The following MAGI1 variants were observed in gnomAD, a reference collection of about 807,000 sequenced individuals.
MAGI1 encodes membrane associated guanylate kinase, WW and PDZ domain containing 1.
Under a neutral mutation model 139.9 loss-of-function variants are expected in MAGI1, and 58 were observed. The observed-to-expected ratio is 0.41, with a 90% CI of 0.34 to 0.52. The LOEUF (loss-of-function observed/expected upper bound fraction) is 0.52. Ranked by LOEUF, MAGI1 falls within the 20% of genes least tolerant of loss-of-function variation. The pLI is 0.12. For synonymous variants in MAGI1, 812 were observed against 737.9 expected (o/e 1.10, Z -1.63); for missense variants, 1,874 against 1,901.6 (o/e 0.99, Z 0.27).
intron 6 of MAGI1, among the ~76,000 whole-genome samples, chr3:65,452,268 T>C (rs1179952093): frequency 6.6e-6 from 1 of 152,186 alleles, no homozygotes; most frequent in African/African-American, 2.4e-5. Flanking sequence ...CCATGTATAA[T>C]AGAAGGATCA....
At chr3:65,714,051 C>T (rs1389518087) in intron 1 of MAGI1, among the ~76,000 whole-genome samples, 4 of 152,222 alleles carry the variant, frequency 2.6e-5, no homozygotes, top group Non-Finnish European at 5.9e-5. Flanking sequence ...GTTGCTTGAA[C>T]TCTTTAAGTC....
At chr3:65,842,652 C>T (rs555693246) in intron 1 of MAGI1, among the ~76,000 whole-genome samples, 1 of 152,158 alleles carries the variant, frequency 6.6e-6, no homozygotes, top group African/African-American at 2.4e-5. Flanking sequence ...TGAGCCACTG[C>T]GCCCAGCCAT....
intron 2 of MAGI1, among the ~76,000 whole-genome samples, chr3:65,545,831 G>A (rs896679628): frequency 1.8e-4 from 28 of 152,116 alleles, no homozygotes; most frequent in African/African-American, 5.5e-4. Context: ...TAGCCATGGC[G>A]AGAAAATTAA....
chr3:65,890,824 T>C (rs904177808), intron 1 of MAGI1, among the ~76,000 whole-genome samples: 9 of 152,202 alleles, frequency 5.9e-5, no homozygotes, highest in South Asian at 2.1e-4. Context: ...ACTCCTCCTA[T>C]TGTACTTGTC....
chr3:65,880,248 G>GA lies in MAGI1; in HGVS notation c.313+157747dup, dbSNP rs36113885. 5.5e-4 allele frequency among the ~76,000 whole-genome samples: 81 copies of GA among 146,192 alleles called. No homozygotes were observed. In the East Asian group the frequency reaches 5.9e-3, roughly 11 times the overall value. Reference sequence around the variant, plus strand: ...CAGAGCAAGACCCTGTCTCAAGAAAGAAAAAAAAAAATAGCCTTGGAAGAA... The same window carrying GA: ...CAGAGCAAGACCCTGTCTCAAGAAAGAAAAAAAAAAAATAGCCTTGGAAGAA... On this transcript the variant is annotated intron_variant, in intron 1 of 22. Transcript: ENST00000402939.
chr3:65,801,917 G>A (rs1391803809), intron 1 of MAGI1, among the ~76,000 whole-genome samples: 1 of 152,078 alleles, frequency 6.6e-6, no homozygotes, highest in Non-Finnish European at 1.5e-5. Flanking sequence ...CCTGAGCTGG[G>A]CCTCCTGTGA....
Position 65,521,988 on chromosome 3 carries a change from C to CT in MAGI1, c.431-28358dup, listed in dbSNP as rs150583768. Reference sequence around the variant, plus strand: ...AAGGTAATGATGAGTTCCCAAATCTCTATTATAACAGAAAAGTAGCAATAC... The same window carrying CT: ...AAGGTAATGATGAGTTCCCAAATCTCTTATTATAACAGAAAAGTAGCAATAC... On this transcript the variant is annotated intron_variant, in intron 2 of 22. Transcript: ENST00000402939. Among the ~76,000 whole-genome samples the CT allele has an allele frequency of 6.0e-4, 92 of 152,158 alleles. No homozygotes were observed. The Middle Eastern group carries it at 0.01, about 17-fold the overall frequency.
chr3:65,468,345 G>A (rs1423545568), intron 5 of MAGI1, among the ~76,000 whole-genome samples: 2 of 147,808 alleles, frequency 1.4e-5, no homozygotes, highest in African/African-American at 5.0e-5. Flanking sequence ...CTCTTCCCGG[G>A]TAGATTCTCA....
intron 1 of MAGI1, among the ~76,000 whole-genome samples, chr3:65,785,131 C>T (rs1329129923): frequency 6.6e-6 from 1 of 152,074 alleles, no homozygotes; most frequent in Non-Finnish European, 1.5e-5. Flanking sequence ...ATCTCAATAC[C>T]GCTATTTAAA....
chr3:65,477,214 A>G (rs1950941711), intron 4 of MAGI1, among the ~76,000 whole-genome samples: 1 of 152,204 alleles, frequency 6.6e-6, no homozygotes, highest in Non-Finnish European at 1.5e-5. Context: ...TTTTATTTCC[A>G]TTTGATAAAT....
chr3:65,906,282 T>C (rs1006889354), intron 1 of MAGI1, among the ~76,000 whole-genome samples: 10 of 152,018 alleles, frequency 6.6e-5, no homozygotes, highest in African/African-American at 2.2e-4. Flanking sequence ...AAAAGCTCCA[T>C]GAAGAAGGAA....
intron 22 of MAGI1, chr3:65,359,241 A>C: frequency 3.8e-6 from 6 of 1,560,892 alleles, no homozygotes; most frequent in Non-Finnish European, 5.2e-6. Flanking sequence ...ATTCCCTATA[A>C]CACAGAGGAA....
intron 1 of MAGI1, among the ~76,000 whole-genome samples, chr3:65,799,653 G>C (rs2040390926): frequency 1.3e-5 from 2 of 152,126 alleles, no homozygotes; most frequent in South Asian, 4.2e-4. Context: ...TCCACTGGGG[G>C]TCTTGGAAGA....
intron 1 of MAGI1, among the ~76,000 whole-genome samples, chr3:65,668,655 C>T (rs534060735): frequency 3.3e-5 from 5 of 149,602 alleles, no homozygotes; most frequent in Admixed American, 3.3e-4. Context: ...CAACCTCTGC[C>T]CCCTAGGTTC....
chr3:65,921,777 G>T (rs1284570064), intron 1 of MAGI1, among the ~76,000 whole-genome samples: 1 of 152,034 alleles, frequency 6.6e-6, no homozygotes, highest in Non-Finnish European at 1.5e-5. Context: ...TAGCCTGCTA[G>T]TAAAAGTTAA....
At chr3:65,844,523 G>A (rs1174595428) in intron 1 of MAGI1, 6 of 227,750 alleles carry the variant, frequency 2.6e-5, no homozygotes, top group Non-Finnish European at 2.6e-5. Flanking sequence ...TCTTCTCAGA[G>A]AGCCCTGAAG....
At chr3:65,845,204 T>C (rs1162364860) in intron 1 of MAGI1, among the ~76,000 whole-genome samples, 1 of 151,384 alleles carries the variant, frequency 6.6e-6, no homozygotes, top group Non-Finnish European at 1.5e-5. Context: ...TGAGCTGAGA[T>C]TGTGCCACTG....
chr3:65,939,922 A>T (rs180869887), intron 1 of MAGI1, among the ~76,000 whole-genome samples: 8 of 152,308 alleles, frequency 5.3e-5, no homozygotes, highest in Admixed American at 2.0e-4. Context: ...GAGATCAAGG[A>T]AGAATAAAAC....
At chr3:65,671,359 T>C (rs1017197240) in intron 1 of MAGI1, among the ~76,000 whole-genome samples, 1 of 152,180 alleles carries the variant, frequency 6.6e-6, no homozygotes, top group Non-Finnish European at 1.5e-5. Context: ...TCCTCGGCTC[T>C]TACTGACTAG....
Sources: allele counts gnomAD v4.1 joint callset (sites outside exome capture counted in the v4.1 genomes callset), GRCh38; gene constraint gnomAD v4.1.1; transcripts MANE v1.5; gene names NCBI Gene and HGNC (gene_info 2026-07-23, HGNC 2026-07-21).